Variants in ALOX5AP observed in about 807,000 individuals in gnomAD.
The protein encoded by ALOX5AP is arachidonate 5-lipoxygenase-activating protein.
In ALOX5AP, 9 loss-of-function variants were observed where a neutral mutation model predicts 18.5. The ratio of observed to expected loss-of-function variants is 0.49; its 90% CI spans 0.29 to 0.85. The LOEUF (loss-of-function observed/expected upper bound fraction) is 0.85. Ranked by LOEUF, ALOX5AP falls within the 40% of genes least tolerant of loss-of-function variation. ALOX5AP has a pLI of 0.08. For missense variants in ALOX5AP, 172 were observed against 202.5 expected, an observed-to-expected ratio of 0.85 and a Z score of 0.91; for synonymous variants, 81 against 78.6, an observed-to-expected ratio of 1.03 and a Z score of -0.16.
At chr13:30,732,617 G>T (rs2137798785), upstream of ALOX5AP, among the ~76,000 whole-genome samples, 1 of 152,274 alleles carries the variant, frequency 6.6e-6, no homozygotes, top group Non-Finnish European at 1.5e-5. Flanking sequence ...GGACACCCGG[G>T]CAGCCTGGGC....
intron 2 of ALOX5AP, among the ~76,000 whole-genome samples, chr13:30,749,146 G>T (rs1010958213): frequency 6.6e-6 from 1 of 152,228 alleles, no homozygotes; most frequent in Non-Finnish European, 1.5e-5. Context: ...GGCTGACCAT[G>T]TTTTATTAGG....
At chr13:30,731,779 G>A (rs1032674865), upstream of ALOX5AP, among the ~76,000 whole-genome samples, 1 of 152,198 alleles carries the variant, frequency 6.6e-6, no homozygotes, top group African/African-American at 2.4e-5. Context: ...GAGGCTCTGG[G>A]TACAATGCCC....
At position 30,724,923 on chromosome 13, in the gene ALOX5AP, C is replaced by T. The variant is rs190197775; in HGVS notation, c.117-10628C>T. Among the ~76,000 whole-genome samples the T allele has an allele frequency of 2.4e-3, 359 of 152,352 alleles. 3 individuals carry two copies. The highest frequency in any genetic ancestry group is 8.2e-3 in the African/African-American group (341 of 41,582). On this transcript the variant is annotated intron_variant, in intron 1 of 5. Transcript: ENST00000617770. The stretch of plus-strand genomic sequence containing the variant: ...AAGTTGACTGCTTCCCCTCAGTCTG[C>T]ATCTGTGGCTTCATGGGGAGTTTCC...
intron 4 of ALOX5AP, among the ~76,000 whole-genome samples, chr13:30,763,706 C>T (rs578089238): frequency 6.6e-6 from 1 of 152,204 alleles, no homozygotes; most frequent in South Asian, 2.1e-4. Context: ...GCAGAGCCCT[C>T]GTGGTAATGG....
intron 4 of ALOX5AP, among the ~76,000 whole-genome samples, chr13:30,761,732 A>G (rs978980145): frequency 2.0e-5 from 3 of 152,098 alleles, no homozygotes; most frequent in Non-Finnish European, 4.4e-5. Flanking sequence ...ATAGAGTGCC[A>G]CCTTCTACCT....
chr13:30,764,325 A>G lies in ALOX5AP; in HGVS notation c.*219A>G, dbSNP rs1132340. On this transcript the variant is annotated 3_prime_UTR_variant, in exon 5 of 5. Coordinates refer to ENST00000380490, the MANE Select transcript of ALOX5AP (RefSeq NM_001629.4). The stretch of plus-strand genomic sequence containing the variant: ...CCGTGGCCCCAAATTTGCTATTCCC[A>G]TGCATTTTGTTTGTTTCTTCACTTA... 0.056 allele frequency: 27,577 copies of G among 491,442 alleles called. 1,168 individuals are homozygous for G. Among genetic ancestry groups the G allele is most frequent in the African/African-American group, 0.14 (7,280 of 50,300 alleles). The allele number at this position is 491,442 out of a possible 1,614,324, so 30.4% of individuals were successfully genotyped here. A position where few individuals can be genotyped will look rare whatever the true frequency, so the allele number is the denominator to read the frequency against.
intron 1 of ALOX5AP, among the ~76,000 whole-genome samples, chr13:30,721,519 C>A (rs1035187730): frequency 1.3e-5 from 2 of 151,808 alleles, no homozygotes; most frequent in African/African-American, 4.8e-5. Flanking sequence ...AGTAAACAGA[C>A]CCTCAATGCA....
intron 2 of ALOX5AP, among the ~76,000 whole-genome samples, chr13:30,751,453 G>C (rs1004337607): frequency 6.6e-6 from 1 of 152,184 alleles, no homozygotes; most frequent in Non-Finnish European, 1.5e-5. Context: ...AGAGAGGAAG[G>C]GTGCAAAACA....
At chr13:30,720,528 G>A (rs947893159) in intron 1 of ALOX5AP, among the ~76,000 whole-genome samples, 1 of 152,204 alleles carries the variant, frequency 6.6e-6, no homozygotes, top group Non-Finnish European at 1.5e-5. Context: ...GTTAAAAGTT[G>A]ACAAACATGT....
At chr13:30,739,295 C>T (rs1178161717) in intron 1 of ALOX5AP, among the ~76,000 whole-genome samples, 1 of 152,238 alleles carries the variant, frequency 6.6e-6, no homozygotes, top group Non-Finnish European at 1.5e-5. Flanking sequence ...ACTGCCTTTG[C>T]AGAGACTGGA....
At chr13:30,714,714 T>C (rs1462966341) in intron 1 of ALOX5AP, among the ~76,000 whole-genome samples, 1 of 152,084 alleles carries the variant, frequency 6.6e-6, no homozygotes, top group Non-Finnish European at 1.5e-5. Context: ...TTGGTGGGCG[T>C]TCTGCTGGGG....
At chr13:30,751,655 G>C (rs945213726) in intron 2 of ALOX5AP, among the ~76,000 whole-genome samples, 1 of 152,176 alleles carries the variant, frequency 6.6e-6, no homozygotes, top group South Asian at 2.1e-4. Context: ...TGATAGAAAA[G>C]TTTCCTTAGT....
chr13:30,721,746 C>T (rs993159732), intron 1 of ALOX5AP, among the ~76,000 whole-genome samples: 1 of 152,104 alleles, frequency 6.6e-6, no homozygotes, highest in African/African-American at 2.4e-5. Flanking sequence ...TTTGAAACTC[C>T]TTAATGGAAG....
chr13:30,715,168 C>T (rs1373175170), intron 1 of ALOX5AP, among the ~76,000 whole-genome samples: 1 of 152,162 alleles, frequency 6.6e-6, no homozygotes, highest in African/African-American at 2.4e-5. Context: ...GCTTTGAGAA[C>T]CGGGCTTTAA....
At chr13:30,754,131 C>T (rs766268216) in intron 3 of ALOX5AP, among the ~76,000 whole-genome samples, 10 of 152,068 alleles carry the variant, frequency 6.6e-5, no homozygotes, top group Admixed American at 5.9e-4. Flanking sequence ...GCCAGCTACT[C>T]GGGAGGCTGA....
chr13:30,722,947 T>C (rs115568204), intron 1 of ALOX5AP, among the ~76,000 whole-genome samples: 5,498 of 152,282 alleles, frequency 0.036, 336 homozygotes, highest in African/African-American at 0.12. Flanking sequence ...CAGAAGCAGA[T>C]GTTGGTTCCA....
At chr13:30,747,739 T>C (rs1951820507) in intron 2 of ALOX5AP, among the ~76,000 whole-genome samples, 1 of 152,204 alleles carries the variant, frequency 6.6e-6, no homozygotes, top group South Asian at 2.1e-4. Context: ...TTGAGGACGT[T>C]TAAGGGTATT....
intron 3 of ALOX5AP, among the ~76,000 whole-genome samples, chr13:30,753,901 C>G (rs1469673170): frequency 6.6e-6 from 1 of 152,194 alleles, no homozygotes; most frequent in African/African-American, 2.4e-5. Flanking sequence ...TAAGGAAAAA[C>G]TTTGCCCAAG....
At chr13:30,756,769 C>T (rs904023957) in intron 4 of ALOX5AP, among the ~76,000 whole-genome samples, 11 of 134,786 alleles carry the variant, frequency 8.2e-5, no homozygotes, top group African/African-American at 2.8e-4. Context: ...GCCGAGATTG[C>T]GCCACTGCAC....
Sources: allele counts gnomAD v4.1 joint callset (sites outside exome capture counted in the v4.1 genomes callset), GRCh38; gene constraint gnomAD v4.1.1; transcripts MANE v1.5; gene names NCBI Gene and HGNC (gene_info 2026-07-23, HGNC 2026-07-21).